The following HEPH variants were observed in gnomAD, a reference collection of about 807,000 sequenced individuals.
HEPH encodes hephaestin.
In HEPH, 69 loss-of-function variants were observed where a neutral mutation model predicts 80.8. The ratio of observed to expected loss-of-function variants is 0.85; its 90% CI spans 0.70 to 1.04. The LOEUF (loss-of-function observed/expected upper bound fraction) is 1.04, where lower values mean the gene tolerates loss of function less well. HEPH is among the 50% of genes least tolerant of loss of function. HEPH has a pLI of 0.00. For synonymous variants in HEPH, 431 were observed against 322.8 expected, an observed-to-expected ratio of 1.34 and a Z score of -3.60; for missense variants, 1,115 against 891.3, an observed-to-expected ratio of 1.25 and a Z score of -3.20.
chrX:66,226,824 C>T (rs1417210530), intron 15 of HEPH, among the ~76,000 whole-genome samples: 3 of 110,684 alleles, frequency 2.7e-5, no homozygotes. Flanking sequence ...AACAAAAAAC[C>T]CAGGGTACAC....
At chrX:66,245,511 A>G (rs1415983767) in intron 15 of HEPH, among the ~76,000 whole-genome samples, 2 of 111,544 alleles carry the variant, frequency 1.8e-5, no homozygotes, top group African/African-American at 3.3e-5. Flanking sequence ...AGAGACTTAG[A>G]TACCCACACA....
At chrX:66,178,136 T>G (rs758323024) in intron 4 of HEPH, among the ~76,000 whole-genome samples, 1 of 111,238 alleles carries the variant, frequency 9.0e-6, no homozygotes, top group South Asian at 3.8e-4. Context: ...GATGTTCCCT[T>G]TCCTGTGTCC....
At chrX:66,221,384 G>A (rs2089640128) in intron 15 of HEPH, among the ~76,000 whole-genome samples, 1 of 112,752 alleles carries the variant, frequency 8.9e-6, no homozygotes, top group African/African-American at 3.2e-5. Context: ...CACATAGCAA[G>A]CTTTGGTACT....
chrX:66,234,437 T>A (rs889857532), intron 15 of HEPH, among the ~76,000 whole-genome samples: 1 of 111,737 alleles, frequency 8.9e-6, no homozygotes, highest in Non-Finnish European at 1.9e-5. Flanking sequence ...TACCCAGTAA[T>A]GGGATTGCTG....
At chrX:66,176,835 A>AT (rs1248853216) in intron 4 of HEPH, among the ~76,000 whole-genome samples, 3 of 111,740 alleles carry the variant, frequency 2.7e-5, no homozygotes, top group African/African-American at 9.8e-5. Context: ...TGAACTCATC[A>AT]TTTTTTATGG....
At chrX:66,205,170 T>G (rs1472235593) in intron 13 of HEPH, among the ~76,000 whole-genome samples, 1 of 111,832 alleles carries the variant, frequency 8.9e-6, no homozygotes, top group Non-Finnish European at 1.9e-5. Flanking sequence ...TGTGCAGGTT[T>G]GTTACATGGG....
At chrX:66,248,139 A>G (rs2090880574) in intron 15 of HEPH, among the ~76,000 whole-genome samples, 1 of 110,909 alleles carries the variant, frequency 9.0e-6, no homozygotes. Context: ...CCTAATTATC[A>G]GTCTCTCCCT....
At chrX:66,263,191 G>A (rs778470894) in intron 19 of HEPH, among the ~76,000 whole-genome samples, 27 of 111,937 alleles carry the variant, frequency 2.4e-4, no homozygotes, top group Non-Finnish European at 4.9e-4. Context: ...TCTCAAAGAA[G>A]TATTGAGATG....
intron 4 of HEPH, among the ~76,000 whole-genome samples, 161 bp downstream of exon 4, chrX:66,173,962 AT>A (rs58062602): frequency 0.36 from 36,818 of 102,089 alleles, 7,123 homozygotes; most frequent in African/African-American, 0.73. Context: ...ACTTTGCACT[AT>A]TTTTTTTTTT....
chrX:66,230,968 A>G (rs1479477403), intron 15 of HEPH, among the ~76,000 whole-genome samples: 1 of 105,602 alleles, frequency 9.5e-6, no homozygotes, highest in African/African-American at 3.5e-5. Flanking sequence ...GTGTAAGGAA[A>G]GGATCCAGTT....
intron 15 of HEPH, among the ~76,000 whole-genome samples, chrX:66,229,266 C>A (rs1170526005): frequency 1.8e-5 from 2 of 112,128 alleles, no homozygotes; most frequent in Non-Finnish European, 3.8e-5. Context: ...GAATACTACT[C>A]AGACAGAAAA....
At chrX:66,236,407 G>T (rs1390549075) in intron 15 of HEPH, among the ~76,000 whole-genome samples, 1 of 111,791 alleles carries the variant, frequency 8.9e-6, no homozygotes, top group African/African-American at 3.2e-5. Context: ...CTTATGAGAT[G>T]AATCCCATTT....
rs780511652 is a variant in HEPH at position 66,219,845 on chromosome X, A to G, written c.2563+11599A>G. Among the ~76,000 whole-genome samples the G allele has an allele frequency of 3.6e-5, 4 of 111,287 alleles. No individual in the cohort carries two copies. In the Admixed American group the frequency reaches 3.8e-4, roughly 11 times the overall value. On this transcript the variant is annotated intron_variant, in intron 15 of 20. Coordinates refer to ENST00000343002, the MANE Select transcript of HEPH (RefSeq NM_001367233.3). The stretch of plus-strand genomic sequence containing the variant: ...TAAGCTCTATGCCCACAAATCCAGT[A>G]TAATCCAGTGGGGGCTGTCCAGTCC...
intron 4 of HEPH, among the ~76,000 whole-genome samples, chrX:66,174,356 C>T (rs2086716643): frequency 8.9e-6 from 1 of 111,857 alleles, no homozygotes; most frequent in Non-Finnish European, 1.9e-5. Flanking sequence ...CTTTTTATTG[C>T]TGAGTAGTAG....
chrX:66,253,181 C>T (rs2091061454), intron 15 of HEPH, among the ~76,000 whole-genome samples: 1 of 112,078 alleles, frequency 8.9e-6, no homozygotes, highest in African/African-American at 3.2e-5. Flanking sequence ...ATTTGACAAT[C>T]ATATATCTGA....
chrX:66,221,110 C>T (rs1242037434), intron 15 of HEPH, among the ~76,000 whole-genome samples: 3 of 111,392 alleles, frequency 2.7e-5, no homozygotes, highest in Non-Finnish European at 3.8e-5. Context: ...TTCGGCTGTG[C>T]GTGGACCAGT....
chrX:66,231,607 T>C (rs1464580623), intron 15 of HEPH, among the ~76,000 whole-genome samples: 2 of 110,025 alleles, frequency 1.8e-5, no homozygotes, highest in African/African-American at 6.6e-5. Flanking sequence ...AGAATGTTTG[T>C]GATTTTTGTA....
At chrX:66,222,424 C>A (rs2089693180) in intron 15 of HEPH, among the ~76,000 whole-genome samples, 1 of 112,136 alleles carries the variant, frequency 8.9e-6, no homozygotes, top group Non-Finnish European at 1.9e-5. Context: ...ATAACAATTG[C>A]TTTTTTTTAA....
At position 66,239,515 on chromosome X, in the gene HEPH, C is replaced by G. The variant is rs749013311; in HGVS notation, c.2564-15520C>G. Among the ~76,000 whole-genome samples, 5 of 111,957 alleles carry G rather than the reference C, an allele frequency of 4.5e-5. No homozygotes were observed. The East Asian group carries it at 1.1e-3, about 25-fold the overall frequency. ...TAAGATTTCTTGTTCATAAATGGAA[C>G]AGACCATCCTCTATGTGATAATTAC... is the stretch of plus-strand genomic sequence containing the variant. On this transcript the variant is annotated intron_variant, in intron 15 of 20. Transcript: ENST00000343002.
Sources: gnomAD v4.1 joint callset for allele counts (sites outside exome capture counted in the v4.1 genomes callset) on GRCh38, gnomAD v4.1.1 for gene constraint, MANE v1.5 for transcripts, NCBI Gene and HGNC (gene_info 2026-07-23, HGNC 2026-07-21) for gene names.